Variants in ERICH1 observed in about 807,000 individuals in gnomAD.
The protein encoded by ERICH1 is glutamate-rich protein 1.
ERICH1 carries 56 observed loss-of-function variants against 39.6 expected under a neutral mutation model. The observed-to-expected ratio is 1.41, with a 90% CI of 1.14 to 1.77. The LOEUF (loss-of-function observed/expected upper bound fraction) is 1.77, where lower values mean the gene tolerates loss of function less well. Among genes scored for constraint, ERICH1 ranks in the 40% most tolerant of loss-of-function variants. The pLI is 0.00. For synonymous variants in ERICH1, 313 were observed against 223.6 expected, an observed-to-expected ratio of 1.40 and a Z score of -3.57; for missense variants, 826 against 575.4, an observed-to-expected ratio of 1.44 and a Z score of -4.45.
intron 1 of ERICH1, among the ~76,000 whole-genome samples, chr8:728,477 G>C (rs1368351146): frequency 6.6e-6 from 1 of 152,182 alleles, no homozygotes; most frequent in African/African-American, 2.4e-5. Context: ...CGCAGTCCCT[G>C]GGAGATCTGT....
At chr8:628,024 G>T (rs1797699060) in intron 3 of ERICH1, among the ~76,000 whole-genome samples, 1 of 152,214 alleles carries the variant, frequency 6.6e-6, no homozygotes. Flanking sequence ...TTCCTGAGGA[G>T]TGAGAAGCCA....
chr8:637,613 G>C (rs1798543138), intron 3 of ERICH1: 1 of 152,510 alleles, frequency 6.6e-6, no homozygotes, highest in African/African-American at 2.4e-5. Context: ...CAAAAGAAGA[G>C]GGCAGGGAAG....
intron 3 of ERICH1, chr8:616,349 G>A (rs73177050): frequency 0.19 from 63,859 of 343,504 alleles, 6,667 homozygotes; most frequent in East Asian, 0.3. Context: ...CTGAAGACAG[G>A]CTCCTGTCGG....
chr8:658,187 C>T (rs1800912004), intron 3 of ERICH1, among the ~76,000 whole-genome samples: 3 of 152,230 alleles, frequency 2.0e-5, no homozygotes, highest in Admixed American at 6.5e-5. Context: ...CCTGGACTTC[C>T]TCACCCACCC....
chr8:718,054 G>C (rs1816431695), intron 1 of ERICH1, among the ~76,000 whole-genome samples: 1 of 152,020 alleles, frequency 6.6e-6, no homozygotes. Flanking sequence ...ACACATCAGC[G>C]TTTGGATCAG....
At chr8:654,558 T>C (rs144973078) in intron 3 of ERICH1, among the ~76,000 whole-genome samples, 32 of 152,314 alleles carry the variant, frequency 2.1e-4, no homozygotes, top group Middle Eastern at 3.4e-3. Flanking sequence ...TCAAAAAACA[T>C]TGACTACAGT....
At chr8:633,570 T>A (rs564620294) in intron 3 of ERICH1, among the ~76,000 whole-genome samples, 1 of 152,330 alleles carries the variant, frequency 6.6e-6, no homozygotes, top group Admixed American at 6.5e-5. Flanking sequence ...CAAGGGTTCC[T>A]GATTACCCAA....
intron 3 of ERICH1, among the ~76,000 whole-genome samples, chr8:684,694 C>T (rs541025048): frequency 5.9e-5 from 9 of 152,160 alleles, no homozygotes; most frequent in African/African-American, 1.9e-4. Context: ...CCCTAAGCAT[C>T]GGCCAGTCTG....
exon 4 of ERICH1, chr8:614,862 G>C (rs1283533000): frequency 5.0e-6 from 1 of 201,414 alleles, no homozygotes. Context: ...GGTGGAAGTT[G>C]GATGGGAACA....
intron 3 of ERICH1, among the ~76,000 whole-genome samples, chr8:651,541 G>C (rs1286662324): frequency 1.5e-4 from 23 of 152,184 alleles, no homozygotes; most frequent in Admixed American, 1.4e-3. Context: ...GCCCAAAGAA[G>C]AACCTGGGAG....
At chr8:671,554 G>C (rs1177963366) in intron 4 of ERICH1, among the ~76,000 whole-genome samples, 13 of 110,124 alleles carry the variant, frequency 1.2e-4, no homozygotes, top group African/African-American at 2.1e-4. Context: ...GGCCCTGGCT[G>C]TAATGTCTGT....
At chr8:619,277 C>T (rs1167064590) in intron 3 of ERICH1, among the ~76,000 whole-genome samples, 1 of 152,052 alleles carries the variant, frequency 6.6e-6, no homozygotes, top group Non-Finnish European at 1.5e-5. Flanking sequence ...CAAGGAGGCC[C>T]CGGTGAGACC....
chr8:650,952 A>G (rs1318422431), intron 3 of ERICH1, among the ~76,000 whole-genome samples: 2 of 152,340 alleles, frequency 1.3e-5, no homozygotes, highest in African/African-American at 2.4e-5. Context: ...GTGTATAAAC[A>G]GTTTACAAAT....
At chr8:710,227 G>C (rs1293433668) in intron 2 of ERICH1, among the ~76,000 whole-genome samples, 1 of 152,140 alleles carries the variant, frequency 6.6e-6, no homozygotes, top group African/African-American at 2.4e-5. Context: ...TGACAGCATC[G>C]TACAGGGCAG....
chr8:629,704 CCACA>C (rs1433866964), intron 3 of ERICH1, among the ~76,000 whole-genome samples: 2 of 146,472 alleles, frequency 1.4e-5, no homozygotes, highest in South Asian at 2.1e-4. Context: ...CTGTGACCAC[CCACA>C]CAGACAGAGC....
chr8:676,411 C>G (rs77161883), intron 3 of ERICH1, among the ~76,000 whole-genome samples: 143 of 10,232 alleles, frequency 0.014, 2 homozygotes, highest in African/African-American at 0.06. Context: ...AGACGCGGCG[C>G]CCCCTCGGCG....
chr8:724,525 C>CG (rs1198374541), intron 1 of ERICH1, among the ~76,000 whole-genome samples: 1 of 152,036 alleles, frequency 6.6e-6, no homozygotes, highest in Admixed American at 6.6e-5. Flanking sequence ...ACTGCCCCGA[C>CG]GGGGGCGGGA....
At chr8:641,873 G>C (rs906890) in intron 3 of ERICH1, among the ~76,000 whole-genome samples, 9 of 152,108 alleles carry the variant, frequency 5.9e-5, no homozygotes, top group Middle Eastern at 3.2e-3. Context: ...GCCTCTGGCC[G>C]TATGCAGTCC....
At chr8:690,527 G>A (rs1441847877) in intron 3 of ERICH1, among the ~76,000 whole-genome samples, 2 of 152,244 alleles carry the variant, frequency 1.3e-5, no homozygotes, top group African/African-American at 2.4e-5. Flanking sequence ...GTGCCGCTGC[G>A]GGGGCCTAGA....
Sources: gnomAD v4.1 joint callset for allele counts (sites outside exome capture counted in the v4.1 genomes callset) on GRCh38, gnomAD v4.1.1 for gene constraint, MANE v1.5 for transcripts, NCBI Gene and HGNC (gene_info 2026-07-23, HGNC 2026-07-21) for gene names.